RMDN2: variants seen among roughly 807,000 people sequenced by gnomAD.
RMDN2 encodes regulator of microtubule dynamics 2.
Under a neutral mutation model 52.8 loss-of-function variants are expected in RMDN2, and 61 were observed. That is an observed-to-expected ratio of 1.16 (90% confidence interval 0.94 to 1.43). The LOEUF (loss-of-function observed/expected upper bound fraction) is 1.43. RMDN2 is among the 40% of genes most tolerant of loss of function. The pLI is 0.00. For synonymous variants in RMDN2, 180 were observed against 153.1 expected (o/e 1.18, Z -1.30); for missense variants, 592 against 475.3 (o/e 1.25, Z -2.28).
chr2:37,939,661 T>C (rs1667610926), intron 2 of RMDN2, among the ~76,000 whole-genome samples: 1 of 152,210 alleles, frequency 6.6e-6, no homozygotes, highest in African/African-American at 2.4e-5. Context: ...TTCGTCTTTT[T>C]TGATGTATGT....
chr2:37,932,129 A>T (rs1245746590), intron 2 of RMDN2, among the ~76,000 whole-genome samples: 3 of 151,922 alleles, frequency 2.0e-5, no homozygotes, highest in African/African-American at 7.3e-5. Flanking sequence ...TGGCAGGGTC[A>T]CAGGACAGTA....
intron 5 of RMDN2, among the ~76,000 whole-genome samples, chr2:37,985,127 T>C (rs1673828662): frequency 6.6e-6 from 1 of 152,198 alleles, no homozygotes; most frequent in Non-Finnish European, 1.5e-5. Flanking sequence ...TGGGGTTTTT[T>C]TTCCCTTGAC....
chr2:37,978,009 A>G (rs1368740945), intron 4 of RMDN2, among the ~76,000 whole-genome samples: 2 of 152,154 alleles, frequency 1.3e-5, no homozygotes, highest in East Asian at 1.9e-4. Flanking sequence ...AGATCACGCC[A>G]CTGCACTCCA....
At chr2:37,975,481 C>G (rs918895826) in intron 4 of RMDN2, among the ~76,000 whole-genome samples, 167 bp downstream of exon 4, 1 of 152,136 alleles carries the variant, frequency 6.6e-6, no homozygotes, top group African/African-American at 2.4e-5. Context: ...ACTGCATGTT[C>G]TCACTCATAA....
chr2:38,037,121 T>C (rs894289619), intron 10 of RMDN2, among the ~76,000 whole-genome samples: 1 of 152,208 alleles, frequency 6.6e-6, no homozygotes, highest in Non-Finnish European at 1.5e-5. Context: ...GACACTTTGC[T>C]ACCTGGATGA....
chr2:37,941,634 T>A (rs945458829), intron 2 of RMDN2, among the ~76,000 whole-genome samples: 74 of 152,350 alleles, frequency 4.9e-4, no homozygotes, highest in Admixed American at 2.4e-3. Context: ...CTATAGCTGC[T>A]TTGCAGTGCT....
chr2:38,066,935 GC>G (rs1682308487), intron 10 of RMDN2: 1 of 1,608,242 alleles, frequency 6.2e-7, no homozygotes, highest in African/African-American at 1.3e-5. Flanking sequence ...AAGTTTCAAT[GC>G]CATTTTGTGC....
intron 10 of RMDN2, among the ~76,000 whole-genome samples, chr2:38,031,848 G>A (rs1179438837): frequency 1.3e-5 from 2 of 152,094 alleles, no homozygotes. Flanking sequence ...GTGACCTAAC[G>A]CTCCCAGAAC....
intron 2 of RMDN2, among the ~76,000 whole-genome samples, chr2:37,953,538 C>G (rs1303638808): frequency 1.3e-5 from 2 of 152,008 alleles, no homozygotes; most frequent in Non-Finnish European, 2.9e-5. Flanking sequence ...CTTTTTAAGG[C>G]TGAATAATAT....
intron 2 of RMDN2, among the ~76,000 whole-genome samples, chr2:37,944,936 C>G (rs1446672115): frequency 6.6e-6 from 1 of 152,080 alleles, no homozygotes; most frequent in Non-Finnish European, 1.5e-5. Flanking sequence ...TAAAAAATAT[C>G]AAGAACAAAA....
intron 1 of RMDN2, among the ~76,000 whole-genome samples, chr2:37,927,241 G>A (rs1666353696): frequency 6.6e-6 from 1 of 152,206 alleles, no homozygotes. Context: ...CCTTGTTGAT[G>A]CTTTCCAAAT....
chr2:38,038,912 T>A (rs1320723333), intron 10 of RMDN2, among the ~76,000 whole-genome samples: 2 of 152,084 alleles, frequency 1.3e-5, no homozygotes, highest in Non-Finnish European at 2.9e-5. Context: ...AGGGCCAGGC[T>A]GGTGGTTCCC....
intron 10 of RMDN2, among the ~76,000 whole-genome samples, chr2:38,039,156 A>T (rs1680801037): frequency 6.6e-6 from 1 of 152,134 alleles, no homozygotes. Context: ...AACTATATTC[A>T]TATGGATTAA....
At chr2:38,050,672 G>A (rs1043669061) in intron 10 of RMDN2, among the ~76,000 whole-genome samples, 1 of 152,134 alleles carries the variant, frequency 6.6e-6, no homozygotes, top group African/African-American at 2.4e-5. Flanking sequence ...ACACAATTCT[G>A]CACGAACTTC....
chr2:37,951,648 G>T lies in RMDN2; in HGVS notation c.452+21919G>T, dbSNP rs768437569. On this transcript the variant is annotated intron_variant, in intron 2 of 10. Transcript: ENST00000354545. The stretch of plus-strand genomic sequence containing the variant: ...CTATTACAAGAGTGCCATTTTTTTT[G>T]ATCCTCAAGCAAGTGGCCAGAATGT... 3.7e-6 allele frequency: 6 copies of T among 1,612,798 alleles called. No individual in the cohort carries two copies. The highest frequency in any genetic ancestry group is 2.2e-5 in the East Asian group (1 of 44,836).
At chr2:38,000,718 A>G (rs1451288801) in intron 8 of RMDN2, among the ~76,000 whole-genome samples, 5 of 152,218 alleles carry the variant, frequency 3.3e-5, no homozygotes, top group Non-Finnish European at 7.3e-5. Flanking sequence ...ATATGGATAT[A>G]CCATAATTTG....
chr2:38,056,744 T>C (rs917986004), intron 10 of RMDN2, among the ~76,000 whole-genome samples: 2 of 152,276 alleles, frequency 1.3e-5, no homozygotes, highest in African/African-American at 4.8e-5. Context: ...CCCTAAATGA[T>C]ATAAAATGAT....
intron 10 of RMDN2, among the ~76,000 whole-genome samples, chr2:38,042,802 G>A (rs1681047235): frequency 1.3e-5 from 2 of 151,840 alleles, no homozygotes; most frequent in South Asian, 4.2e-4. Flanking sequence ...AAATATTTGG[G>A]ATTTTCCAAT....
At chr2:37,956,409 A>G (rs1447464552) in intron 2 of RMDN2, among the ~76,000 whole-genome samples, 1 of 151,692 alleles carries the variant, frequency 6.6e-6, no homozygotes, top group Admixed American at 6.6e-5. Flanking sequence ...TTCATTTCTG[A>G]TTGTATTTAT....
Sources: gnomAD v4.1 joint callset for allele counts (sites outside exome capture counted in the v4.1 genomes callset) on GRCh38, gnomAD v4.1.1 for gene constraint, MANE v1.5 for transcripts, NCBI Gene and HGNC (gene_info 2026-07-23, HGNC 2026-07-21) for gene names.